PLCL1: variants seen among roughly 807,000 people sequenced by gnomAD.
The protein encoded by PLCL1 is inactive phospholipase C-like protein 1.
In PLCL1, 41 loss-of-function variants were observed where a neutral mutation model predicts 84.4. That is an observed-to-expected ratio of 0.49 (90% CI 0.38 to 0.63). PLCL1 has a LOEUF of 0.63. PLCL1 is among the 30% of genes least tolerant of loss of function. PLCL1 has a pLI of 0.00. For synonymous variants in PLCL1, 490 were observed against 488.3 expected (o/e 1.00, Z -0.05); for missense variants, 1,206 against 1,367.8 (o/e 0.88, Z 1.87).
intron 1 of PLCL1, among the ~76,000 whole-genome samples, chr2:197,856,718 A>C (rs1357655358): frequency 6.6e-6 from 1 of 152,154 alleles, no homozygotes; most frequent in East Asian, 1.9e-4. Context: ...AGGACATTTC[A>C]TTGATTTGTT....
At chr2:197,895,248 C>T (rs922481837) in intron 1 of PLCL1, among the ~76,000 whole-genome samples, 1 of 151,940 alleles carries the variant, frequency 6.6e-6, no homozygotes, top group Non-Finnish European at 1.5e-5. Context: ...ATCCTCCATT[C>T]GTCTCCATTT....
At chr2:197,900,857 G>C (rs545551210) in intron 1 of PLCL1, among the ~76,000 whole-genome samples, 44 of 152,302 alleles carry the variant, frequency 2.9e-4, no homozygotes, top group African/African-American at 9.6e-4. Context: ...AGAGTAAGTT[G>C]TTTGGAGTGG....
intron 1 of PLCL1, among the ~76,000 whole-genome samples, chr2:197,900,864 G>A (rs1171298066): frequency 6.6e-6 from 1 of 152,176 alleles, no homozygotes. Flanking sequence ...GTTGTTTGGA[G>A]TGGAAGTCCC....
In PLCL1 at chr2:197,804,965, C is replaced by A; in HGVS notation, c.-135C>A. 1 of 1,120,556 alleles carries A rather than the reference C, an allele frequency of 8.9e-7. No individual in the cohort carries two copies. The highest frequency in any genetic ancestry group is 3.3e-5 in the East Asian group (1 of 30,612). The allele number at this position is 1,120,556 out of a possible 1,614,324, so 69.4% of individuals were successfully genotyped here. A position where few individuals can be genotyped will look rare whatever the true frequency, so the allele number is the denominator to read the frequency against. ...GTTGCCGCCGCCGCCGCCGCCGCCG[C>A]CACTGCCGCCGCTGGGCGGTGAAAC... On this transcript the variant is annotated 5_prime_UTR_variant, in exon 1 of 6. Coordinates refer to ENST00000428675, the MANE Select transcript of PLCL1 (RefSeq NM_006226.4).
At chr2:197,955,857 G>A (rs1012597022) in intron 1 of PLCL1, among the ~76,000 whole-genome samples, 4 of 151,566 alleles carry the variant, frequency 2.6e-5, no homozygotes, top group African/African-American at 7.3e-5. Context: ...GAATGTGCAG[G>A]TTTGTTACAT....
chr2:198,034,687 T>C (rs1053003833), intron 1 of PLCL1, among the ~76,000 whole-genome samples: 1 of 152,204 alleles, frequency 6.6e-6, no homozygotes, highest in Non-Finnish European at 1.5e-5. Flanking sequence ...AAATTAACAT[T>C]AATAGACTTC....
intron 1 of PLCL1, among the ~76,000 whole-genome samples, chr2:198,077,469 C>T (rs561169557): frequency 3.3e-5 from 5 of 152,220 alleles, no homozygotes; most frequent in Admixed American, 3.3e-4. Flanking sequence ...TCCTTTTAGT[C>T]TTGGCTTCTG....
At chr2:197,986,247 A>G (rs1186673277) in intron 1 of PLCL1, among the ~76,000 whole-genome samples, 1 of 152,234 alleles carries the variant, frequency 6.6e-6, no homozygotes, top group East Asian at 1.9e-4. Flanking sequence ...TTACCTGGTT[A>G]TTAGAGTAGC....
chr2:197,838,247 G>C (rs931130834), intron 1 of PLCL1, among the ~76,000 whole-genome samples: 4 of 152,188 alleles, frequency 2.6e-5, no homozygotes, highest in Non-Finnish European at 4.4e-5. Flanking sequence ...TCAAGAGGTC[G>C]AGTGTTATAA....
At position 198,137,300 on chromosome 2, in the gene PLCL1, A is replaced by G. The variant is rs569809774; in HGVS notation, c.3106-9480A>G. Among the ~76,000 whole-genome samples, 119 of 152,300 alleles carry G rather than the reference A, an allele frequency of 7.8e-4. 2 individuals carry two copies. The South Asian group carries it at 0.021, about 27-fold the overall frequency. On this transcript the variant is annotated intron_variant, in intron 5 of 5. Transcript: ENST00000428675. ...GTGTCCATTTATTCACCTGAAGGTT[A>G]TAAAAGGAGTCCTTCGAATGGCTCG...
Position 198,123,716 on chromosome 2 carries a change from A to C in PLCL1, c.3105+19780A>C, listed in dbSNP as rs940991061. 3.9e-5 allele frequency among the ~76,000 whole-genome samples: 6 copies of C among 152,068 alleles called. 1 individual carries two copies. The highest frequency in any genetic ancestry group is 1.4e-4 in the African/African-American group (6 of 41,414). ...GGAACCAGACCATGCAGCAATGAGCATTGCTGCCTGAGCCCCGCCTCCTGT... is the reference window on the plus strand; with the variant it reads ...GGAACCAGACCATGCAGCAATGAGCCTTGCTGCCTGAGCCCCGCCTCCTGT... On this transcript the variant is annotated intron_variant, in intron 5 of 5. Transcript: ENST00000428675.
chr2:197,903,474 T>G (rs1688310657), intron 1 of PLCL1, among the ~76,000 whole-genome samples: 1 of 92,182 alleles, frequency 1.1e-5, no homozygotes, highest in African/African-American at 4.9e-5. Flanking sequence ...TTAAATTTTT[T>G]TTTTTTTTTT....
intron 1 of PLCL1, among the ~76,000 whole-genome samples, chr2:197,810,655 C>CTGAACAAGCA (rs1690566704): frequency 6.6e-6 from 1 of 152,196 alleles, no homozygotes; most frequent in Non-Finnish European, 1.5e-5. Context: ...CCGACCTTAC[C>CTGAACAAGCA]TTGGTGCTAC....
At chr2:197,880,944 A>G (rs910692369) in intron 1 of PLCL1, among the ~76,000 whole-genome samples, 1 of 152,222 alleles carries the variant, frequency 6.6e-6, no homozygotes, top group Admixed American at 6.5e-5. Flanking sequence ...TGCCCATCTG[A>G]AAATGTCTAA....
intron 1 of PLCL1, among the ~76,000 whole-genome samples, chr2:197,855,705 C>T (rs1687318904): frequency 6.6e-6 from 1 of 152,114 alleles, no homozygotes; most frequent in Admixed American, 6.6e-5. Flanking sequence ...ACTTGATGTC[C>T]TTCACTTGTT....
At chr2:197,894,481 G>T (rs911344951) in intron 1 of PLCL1, among the ~76,000 whole-genome samples, 1 of 152,000 alleles carries the variant, frequency 6.6e-6, no homozygotes, top group Non-Finnish European at 1.5e-5. Flanking sequence ...AAGAGAAGGG[G>T]TGCTGGATTC....
At chr2:198,073,967 A>C (rs2105887683) in intron 1 of PLCL1, among the ~76,000 whole-genome samples, 1 of 152,328 alleles carries the variant, frequency 6.6e-6, no homozygotes, top group South Asian at 2.1e-4. Context: ...ACATTTATAA[A>C]ATGTTTTTAA....
At chr2:197,912,943 C>A (rs13027136) in intron 1 of PLCL1, among the ~76,000 whole-genome samples, 71,279 of 147,270 alleles carry the variant, frequency 0.48, 17,944 homozygotes, top group East Asian at 0.77. Flanking sequence ...CTAAAACTTA[C>A]AGTATAATAA....
chr2:197,857,028 G>C (rs964782566), intron 1 of PLCL1, among the ~76,000 whole-genome samples: 1 of 152,066 alleles, frequency 6.6e-6, no homozygotes, highest in Admixed American at 6.6e-5. Context: ...GCTAGTGGAT[G>C]CTGGGCTTAA....
Sources: allele counts gnomAD v4.1 joint callset (sites outside exome capture counted in the v4.1 genomes callset), GRCh38; gene constraint gnomAD v4.1.1; transcripts MANE v1.5; gene names NCBI Gene and HGNC (gene_info 2026-07-23, HGNC 2026-07-21).